UNC5B: variants seen among roughly 807,000 people sequenced by gnomAD.
The protein encoded by UNC5B is netrin receptor UNC5B.
UNC5B carries 56 observed loss-of-function variants against 103.7 expected under a neutral mutation model. That is an observed-to-expected ratio of 0.54 (90% CI 0.44 to 0.67). The LOEUF (loss-of-function observed/expected upper bound fraction) is 0.67, where lower values mean the gene tolerates loss of function less well. UNC5B is among the 30% of genes least tolerant of loss of function. The pLI is 0.00. For synonymous variants in UNC5B, 577 were observed against 542.0 expected, an observed-to-expected ratio of 1.06 and a Z score of -0.90; for missense variants, 1,194 against 1,284.5, an observed-to-expected ratio of 0.93 and a Z score of 1.08.
chr10:71,291,016 C>G lies in UNC5B; in HGVS notation c.1201C>G (p.Arg401Gly), dbSNP rs554096883. 1 of 1,614,096 alleles carries G rather than the reference C, an allele frequency of 6.2e-7. No individual in the cohort carries two copies. Among genetic ancestry groups the G allele is most frequent in the South Asian group, 1.1e-5 (1 of 91,070 alleles). The change falls in exon 9 of 17, where the codon CGC (arginine) becomes GGC (glycine). Residue 401 changes from arginine to glycine, a missense_variant. Arg to Gly is a moderately radical substitution (Grantham distance 125). Coordinates refer to ENST00000335350, the MANE Select transcript of UNC5B (RefSeq NM_170744.5). ...LMAVGVVVYR[R>G]NCRDFDTDIT... ...GGCGGTGGGGGTGGTGGTGTACCGCCGCAACTGCCGTGACTTCGACACAGA... is the reference window on the plus strand; with the variant it reads ...GGCGGTGGGGGTGGTGGTGTACCGCGGCAACTGCCGTGACTTCGACACAGA...
At chr10:71,274,935 G>A (rs868531709) in intron 1 of UNC5B, among the ~76,000 whole-genome samples, 2 of 152,172 alleles carry the variant, frequency 1.3e-5, no homozygotes, top group Non-Finnish European at 2.9e-5. Context: ...TCCCCATAAG[G>A]GATCTTTAAA....
intron 8 of UNC5B, among the ~76,000 whole-genome samples, chr10:71,290,361 C>G (rs1458703923): frequency 6.6e-6 from 1 of 152,196 alleles, no homozygotes; most frequent in Non-Finnish European, 1.5e-5. Flanking sequence ...CACATGCTCA[C>G]CTCTTCTCCA....
intron 1 of UNC5B, among the ~76,000 whole-genome samples, chr10:71,263,466 C>G (rs1336867880): frequency 6.6e-6 from 1 of 152,194 alleles, no homozygotes; most frequent in East Asian, 1.9e-4. Context: ...GCTGAGAGCT[C>G]CAGACATCCC....
At chr10:71,283,165 C>G (rs1844975025) in intron 2 of UNC5B, among the ~76,000 whole-genome samples, 1 of 152,102 alleles carries the variant, frequency 6.6e-6, no homozygotes, top group Admixed American at 6.5e-5. Flanking sequence ...CAAGCTCTAA[C>G]CTGGGAAAGA....
intron 1 of UNC5B, among the ~76,000 whole-genome samples, chr10:71,276,640 G>A (rs771089935): frequency 1.3e-5 from 2 of 152,178 alleles, no homozygotes; most frequent in Non-Finnish European, 2.9e-5. Context: ...CACCGCGATG[G>A]CCTGGCTGGT....
intron 1 of UNC5B, among the ~76,000 whole-genome samples, chr10:71,252,327 G>A (rs16928560): frequency 0.2 from 31,028 of 152,072 alleles, 3,388 homozygotes; most frequent in East Asian, 0.35. Context: ...GCATTGAGCA[G>A]GATAGAGTTT....
chr10:71,245,250 C>A (rs1844002146), intron 1 of UNC5B, among the ~76,000 whole-genome samples: 1 of 152,216 alleles, frequency 6.6e-6, no homozygotes, highest in Admixed American at 6.5e-5. Context: ...TTGCTACCAG[C>A]ATCACCTGGA....
At chr10:71,258,156 T>C (rs888230400) in intron 1 of UNC5B, among the ~76,000 whole-genome samples, 3 of 152,198 alleles carry the variant, frequency 2.0e-5, no homozygotes, top group Non-Finnish European at 4.4e-5. Context: ...ATCACCTGCC[T>C]GAAGGCCCCA....
Position 71,288,689 on chromosome 10 carries a change from G to A in UNC5B, c.1023G>A (p.Thr341=), listed in dbSNP as rs369706327. 93 of 1,612,818 alleles carry A rather than the reference G, an allele frequency of 5.8e-5. No homozygotes were observed. The Admixed American group carries it at 7.0e-4, about 12-fold the overall frequency. Residue 341 remains threonine, a synonymous_variant, in exon 7 of 17, where the codon ACG becomes ACA. Coordinates refer to ENST00000335350, the MANE Select transcript of UNC5B (RefSeq NM_170744.5). The part of the protein sequence containing the change: ...PQNGGRDCSG[T]LLDSKNCTDG... ...ACGGAGGCCGTGACTGCAGCGGGAC[G>A]CTGCTCGACTCTAAGAACTGCACAG...
chr10:71,224,373 A>ATG (rs1843517706), intron 1 of UNC5B, among the ~76,000 whole-genome samples: 1 of 115,566 alleles, frequency 8.7e-6, no homozygotes. Flanking sequence ...AGACACACAC[A>ATG]CACACACACA....
At chr10:71,279,016 C>T (rs939019998) in intron 1 of UNC5B, among the ~76,000 whole-genome samples, 7 of 152,200 alleles carry the variant, frequency 4.6e-5, no homozygotes, top group Non-Finnish European at 8.8e-5. Context: ...TCCAGGGAGA[C>T]GGTGGGCCAG....
At position 71,293,573 on chromosome 10, in the gene UNC5B, G is replaced by A. The variant is rs1453376982; in HGVS notation, c.1941G>A (p.Glu647=). 1 of 1,613,688 alleles carries A rather than the reference G, an allele frequency of 6.2e-7. No homozygotes were observed. Among genetic ancestry groups the A allele is most frequent in the Non-Finnish European group, 8.5e-7 (1 of 1,179,980 alleles). The change falls in exon 12 of 17, where the codon GAG becomes GAA. Residue 647 remains glutamate, a splice_region_variant and synonymous_variant. Transcript: ENST00000335350. ...LKTQAHQGHW[E]EVVTLDEETL... ...CCCAGGCCCACCAGGGCCACTGGGA[G>A]GTGAGGAGCCACGGTGAAGGCTGGC...
intron 1 of UNC5B, among the ~76,000 whole-genome samples, chr10:71,235,645 GGGTCCTA>G (rs1486181967): frequency 3.9e-5 from 6 of 152,276 alleles, no homozygotes; most frequent in South Asian, 4.1e-4. Context: ...ACTGGTAGGG[GGGTCCTA>G]GGGGGTTCCC....
intron 1 of UNC5B, among the ~76,000 whole-genome samples, chr10:71,262,035 C>G (rs1017274100): frequency 6.6e-6 from 1 of 152,130 alleles, no homozygotes; most frequent in Admixed American, 6.5e-5. Flanking sequence ...AAGATAGTTT[C>G]AAAGCAACAC....
At chr10:71,268,094 C>T (rs1466185715) in intron 1 of UNC5B, among the ~76,000 whole-genome samples, 1 of 152,256 alleles carries the variant, frequency 6.6e-6, no homozygotes, top group Non-Finnish European at 1.5e-5. Flanking sequence ...CTCCCTCACC[C>T]CTGGGGACTG....
Position 71,293,515 on chromosome 10 carries a change from T to TCAGTG in UNC5B, c.1885_1889dup (p.Arg631ValfsTer22). On this transcript the variant is annotated frameshift_variant, in exon 12 of 17. Coordinates refer to ENST00000335350, the MANE Select transcript of UNC5B (RefSeq NM_170744.5). LOFTEE classifies it high-confidence loss of function. The stretch of plus-strand genomic sequence containing the variant: ...CTCACCATGCCCCACTGTGCCGAAG[T>TCAGTG]CAGTGCCCGTGACTGGATCTTTCAG... 1 of 1,614,012 alleles carries TCAGTG rather than the reference T, an allele frequency of 6.2e-7. No homozygotes were observed. Among genetic ancestry groups the TCAGTG allele is most frequent in the Non-Finnish European group, 8.5e-7 (1 of 1,180,026 alleles).
intron 1 of UNC5B, among the ~76,000 whole-genome samples, chr10:71,228,862 G>A (rs1233815807): frequency 2.6e-5 from 4 of 152,206 alleles, no homozygotes; most frequent in African/African-American, 9.6e-5. Flanking sequence ...TCAGGAAAGT[G>A]AAGTGACCCA....
chr10:71,259,603 G>A (rs1349681436), intron 1 of UNC5B, among the ~76,000 whole-genome samples: 2 of 152,192 alleles, frequency 1.3e-5, no homozygotes, highest in Non-Finnish European at 2.9e-5. Context: ...CAAGGTCAGC[G>A]TGAGTTTACT....
intron 1 of UNC5B, among the ~76,000 whole-genome samples, chr10:71,254,069 A>G (rs1006827055): frequency 6.6e-6 from 1 of 152,186 alleles, no homozygotes; most frequent in East Asian, 1.9e-4. Context: ...AATGAGCTCA[A>G]CGTCACATCA....
Sources: allele counts gnomAD v4.1 joint callset (sites outside exome capture counted in the v4.1 genomes callset), GRCh38; gene constraint gnomAD v4.1.1; transcripts MANE v1.5; gene names NCBI Gene and HGNC (gene_info 2026-07-23, HGNC 2026-07-21).